POFUT2: variants seen among roughly 807,000 people sequenced by gnomAD.
The protein encoded by POFUT2 is protein O-fucosyltransferase 2.
Under a neutral mutation model 55.0 loss-of-function variants are expected in POFUT2, and 30 were observed. That is an observed-to-expected ratio of 0.55 (90% CI 0.41 to 0.74). The LOEUF (loss-of-function observed/expected upper bound fraction) is 0.74, where lower values mean the gene tolerates loss of function less well. Ranked by LOEUF, POFUT2 falls within the 30% of genes least tolerant of loss-of-function variation. The pLI, the probability that POFUT2 is intolerant of heterozygous loss-of-function variation, is 0.00. For synonymous variants in POFUT2, 267 were observed against 231.1 expected (o/e 1.16, Z -1.41); for missense variants, 524 against 562.6 (o/e 0.93, Z 0.69).
At chr21:45,283,728 C>CG (rs1400244199) in intron 2 of POFUT2, among the ~76,000 whole-genome samples, 2 of 152,252 alleles carry the variant, frequency 1.3e-5, no homozygotes, top group South Asian at 4.1e-4. Context: ...CTGCAGCTGG[C>CG]GGGGGGTGGT....
At chr21:45,278,725 G>A (rs1016676049) in intron 4 of POFUT2, among the ~76,000 whole-genome samples, 6 of 152,202 alleles carry the variant, frequency 3.9e-5, no homozygotes, top group Non-Finnish European at 7.3e-5. Context: ...ACGGGCACAC[G>A]ACTGAAGCAG....
chr21:45,269,606 C>G (rs2093199204), intron 7 of POFUT2, among the ~76,000 whole-genome samples: 1 of 151,812 alleles, frequency 6.6e-6, no homozygotes, highest in Non-Finnish European at 1.5e-5. Flanking sequence ...CGTTAAGAGT[C>G]ATCACCAATC....
intron 7 of POFUT2, among the ~76,000 whole-genome samples, chr21:45,269,055 C>T (rs1371023565): frequency 8.8e-6 from 1 of 113,918 alleles, no homozygotes; most frequent in Non-Finnish European, 1.8e-5. Context: ...CAGCCCCCCG[C>T]CTGGCCAGCC....
intron 1 of POFUT2, among the ~76,000 whole-genome samples, chr21:45,286,729 C>G (rs574504200): frequency 1.6e-4 from 24 of 152,374 alleles, no homozygotes; most frequent in African/African-American, 5.5e-4. Flanking sequence ...AAACCCTGTC[C>G]CTGGCGCTCT....
At position 45,267,382 on chromosome 21, in the gene POFUT2, G is replaced by A. The variant is rs982846624; in HGVS notation, c.1136+208C>T. Reference sequence around the variant, plus strand: ...TGCTATGGAGGAATTCTGTGCATGAGAACTAAAGGGGCAAGATGAACAATT... The same window carrying A: ...TGCTATGGAGGAATTCTGTGCATGAAAACTAAAGGGGCAAGATGAACAATT... On this transcript the variant is annotated intron_variant, in intron 8 of 8. Coordinates refer to ENST00000349485, the MANE Select transcript of POFUT2 (RefSeq NM_133635.6). This position sits in a 1 kb window ranked among gnomAD's most constrained non-coding sequence, Gnocchi z 4.4. 5 of 1,591,490 alleles carry A rather than the reference G, an allele frequency of 3.1e-6. No homozygotes were observed. Among genetic ancestry groups the A allele is most frequent in the Non-Finnish European group, 4.3e-6 (5 of 1,167,636 alleles).
intron 6 of POFUT2, among the ~76,000 whole-genome samples, chr21:45,274,300 G>A (rs1474673120): frequency 2.6e-5 from 4 of 152,108 alleles, no homozygotes; most frequent in African/African-American, 7.2e-5. Flanking sequence ...AAACACTGCT[G>A]AAAGAATTCA....
intron 1 of POFUT2, 51 bp downstream of exon 1, chr21:45,287,690 A>T: frequency 1.4e-6 from 1 of 709,310 alleles, no homozygotes; most frequent in Non-Finnish European, 1.8e-6. Flanking sequence ...CCATCCTCTG[A>T]CCCTGCCCGG....
rs749055946 is a variant in POFUT2, at chr21:45,284,491, C to G, written c.383-964G>C. 6.6e-6 allele frequency among the ~76,000 whole-genome samples: 1 copy of G among 152,178 alleles called. No homozygotes were observed. Among genetic ancestry groups the G allele is most frequent in the African/African-American group, 2.4e-5 (1 of 41,440 alleles). ...CCCAGTTCCTTCCCCACCTCACAGG[C>G]GAGGAAACAGCTCAGCAAAGCCCCA... On this transcript the variant is annotated intron_variant, in intron 2 of 8. Coordinates refer to ENST00000349485, the MANE Select transcript of POFUT2 (RefSeq NM_133635.6). This position sits in a 1 kb window ranked among gnomAD's most constrained non-coding sequence, Gnocchi z 5.8.
intron 4 of POFUT2, among the ~76,000 whole-genome samples, chr21:45,279,137 A>G (rs531862937): frequency 6.6e-6 from 1 of 152,350 alleles, no homozygotes; most frequent in South Asian, 2.1e-4. Context: ...CACGCCTCTA[A>G]TCCCAGCACT....
intron 7 of POFUT2, among the ~76,000 whole-genome samples, chr21:45,268,428 C>G (rs2093178490): frequency 1.3e-5 from 2 of 151,772 alleles, no homozygotes; most frequent in African/African-American, 4.8e-5. Flanking sequence ...TGAGGAGTGT[C>G]TCTGCCTGGC....
At position 45,267,737 on chromosome 21, in the gene POFUT2, T is replaced by A. The variant is rs1360883810; in HGVS notation, c.1013-24A>T. 6.2e-7 allele frequency: 1 copy of A among 1,606,040 alleles called. No homozygotes were observed. Among genetic ancestry groups the A allele is most frequent in the African/African-American group, 1.3e-5 (1 of 74,658 alleles). ...TTCTGCAAAGTAGAAGGAGAGACCC[T>A]TTGAACCGGGATCCTCCAGTAAGGA... is the stretch of plus-strand genomic sequence containing the variant. On this transcript the variant is annotated intron_variant, in intron 7 of 8. Coordinates refer to ENST00000349485, the MANE Select transcript of POFUT2 (RefSeq NM_133635.6). The surrounding 1 kb of genome is among the most constrained non-coding windows in gnomAD (Gnocchi z 4.4).
Position 45,285,665 on chromosome 21 carries a change from C to T in POFUT2, c.382+13G>A, listed in dbSNP as rs2031309178. 6 of 1,613,450 alleles carry T rather than the reference C, an allele frequency of 3.7e-6. No homozygotes were observed. Among genetic ancestry groups the T allele is most frequent in the Non-Finnish European group, 5.1e-6 (6 of 1,180,012 alleles). ...AAGCAACCACGGCCTCCCAGCGTGC[C>T]GCTCGGCCTCACCTGCGATGAACTG... is the stretch of plus-strand genomic sequence containing the variant. On this transcript the variant is annotated intron_variant, in intron 2 of 8. Coordinates refer to ENST00000349485, the MANE Select transcript of POFUT2 (RefSeq NM_133635.6). This position sits in a 1 kb window ranked among gnomAD's most constrained non-coding sequence, Gnocchi z 4.9.
Position 45,269,972 on chromosome 21 carries a change from C to T in POFUT2, c.879G>A (p.Leu293=). The part of the protein sequence containing the change: ...ALGGPYLGVH[L]RRKDFIWGHR... The stretch of plus-strand genomic sequence containing the variant: ...GACCCCAGATGAAATCTTTTCTTCT[C>T]AGGTGGACTCCCAGGTAGGGGCCCC... Residue 293 remains leucine, a synonymous_variant, in exon 7 of 9, where the codon CTG becomes CTA. Transcript: ENST00000349485. The T allele has an allele frequency of 6.3e-7, 1 of 1,586,084 alleles. No homozygotes were observed. The highest frequency in any genetic ancestry group is 8.5e-7 in the Non-Finnish European group (1 of 1,170,726).
rs2093271079 is a variant in POFUT2 at position 45,277,056 on chromosome 21, T to C, written c.792A>G (p.Ala264=). The change falls in exon 6 of 9, where the codon GCA becomes GCG. Residue 264 remains alanine, a synonymous_variant. Coordinates refer to ENST00000349485, the MANE Select transcript of POFUT2 (RefSeq NM_133635.6). The surrounding 1 kb of genome is among the most constrained non-coding windows in gnomAD (Gnocchi z 6.9). ...RSRHLNSTDD[A]DRIPFQEDWM... Reference sequence around the variant, plus strand: ...AGTCCTCCTGGAAGGGGATCCTGTCTGCGTCGTCCGTGGAGTTGAGATGTC... The same window carrying C: ...AGTCCTCCTGGAAGGGGATCCTGTCCGCGTCGTCCGTGGAGTTGAGATGTC... 3 of 1,614,026 alleles carry C rather than the reference T, an allele frequency of 1.9e-6. No individual in the cohort carries two copies. The highest frequency in any genetic ancestry group is 2.5e-6 in the Non-Finnish European group (3 of 1,179,994).
rs140902102 is a variant in POFUT2 at position 45,281,106 on chromosome 21, G to C, written c.638+1243C>G. On this transcript the variant is annotated intron_variant, in intron 4 of 8. Transcript: ENST00000349485. This position sits in a 1 kb window ranked among gnomAD's most constrained non-coding sequence, Gnocchi z 5.0. ...CCGGAAGAGACTTTCCCTGGGTGCT[G>C]GGGGCAGATGACCTCACCGCCCATC... is the stretch of plus-strand genomic sequence containing the variant. Among the ~76,000 whole-genome samples the C allele has an allele frequency of 2.3e-3, 345 of 152,206 alleles. 1 individual carries two copies. Among genetic ancestry groups the C allele is most frequent in the African/African-American group, 7.3e-3 (303 of 41,516 alleles).
intron 4 of POFUT2, among the ~76,000 whole-genome samples, chr21:45,279,992 G>A (rs946719453): frequency 7.2e-5 from 11 of 152,174 alleles, no homozygotes; most frequent in Admixed American, 3.3e-4. Context: ...GGGTGCCTCC[G>A]GCCCTGCTTC....
chr21:45,279,673 G>A (rs2030356238), intron 4 of POFUT2, among the ~76,000 whole-genome samples: 2 of 152,204 alleles, frequency 1.3e-5, no homozygotes, highest in Admixed American at 1.3e-4. Context: ...GGCACACCCA[G>A]CCATCCTCTT....
chr21:45,270,065 G>A lies in POFUT2; in HGVS notation c.832-46C>T, dbSNP rs907053016. 16 of 1,461,202 alleles carry A rather than the reference G, an allele frequency of 1.1e-5. No individual in the cohort carries two copies. In the South Asian group the frequency reaches 1.4e-4, roughly 12 times the overall value. 90.5% of individuals were successfully genotyped at this position (1,461,202 alleles called of 1,614,324 possible). A position where few individuals can be genotyped will look rare whatever the true frequency, so the allele number is the denominator to read the frequency against. ...AATGCAGAAGCTGACAGGCGGGCTC[G>A]GGGCTCATCCTGGGCACCGGGTGGG... On this transcript the variant is annotated intron_variant, in intron 6 of 8. Coordinates refer to ENST00000349485, the MANE Select transcript of POFUT2 (RefSeq NM_133635.6). This position sits in a 1 kb window ranked among gnomAD's most constrained non-coding sequence, Gnocchi z 4.6.
chr21:45,286,455 G>C (rs1045701540), intron 1 of POFUT2, among the ~76,000 whole-genome samples: 2 of 152,128 alleles, frequency 1.3e-5, no homozygotes, highest in Admixed American at 1.3e-4. Context: ...ATCTCTTTTG[G>C]GTTTGGTGAC....
Sources: gnomAD v4.1 joint callset for allele counts (sites outside exome capture counted in the v4.1 genomes callset) on GRCh38, gnomAD v4.1.1 for gene constraint, Gnocchi (gnomAD v3.1) non-coding constraint, MANE v1.5 for transcripts, NCBI Gene and HGNC (gene_info 2026-07-23, HGNC 2026-07-21) for gene names.